ETF1: variants seen among roughly 807,000 people sequenced by gnomAD.
The protein encoded by ETF1 is eukaryotic translation termination factor 1.
ETF1 carries 4 observed loss-of-function variants against 55.1 expected under a neutral mutation model. The ratio of observed to expected loss-of-function variants is 0.07; its 90% CI spans 0.04 to 0.17. The LOEUF is 0.17. ETF1 is among the 10% of genes least tolerant of loss of function. The probability of loss-of-function intolerance (pLI) is 1.00; values close to 1 mark genes in which losing one functional copy is unlikely to be tolerated. For missense variants in ETF1, 142 were observed against 523.6 expected (o/e 0.27, Z 7.11); for synonymous variants, 157 against 182.3 (o/e 0.86, Z 1.12).
At chr5:138,525,574 G>C (rs1561839066) in intron 2 of ETF1, among the ~76,000 whole-genome samples, 1 of 152,170 alleles carries the variant, frequency 6.6e-6, no homozygotes, top group African/African-American at 2.4e-5. Flanking sequence ...TAGTACAATA[G>C]CTACCAGTAT....
chr5:138,520,278 G>A (rs1309100105), intron 2 of ETF1, among the ~76,000 whole-genome samples: 1 of 151,102 alleles, frequency 6.6e-6, no homozygotes, highest in Non-Finnish European at 1.5e-5. Context: ...TGATCTCACA[G>A]AAGTAGAATG....
intron 9 of ETF1, 150 bp from the exon 10 acceptor site, chr5:138,508,966 T>C: frequency 7.0e-7 from 1 of 1,426,614 alleles, no homozygotes; most frequent in South Asian, 1.5e-5. Context: ...ATCTCTGGTT[T>C]TGATAACCTA....
chr5:138,534,881 A>G (rs1029128155), intron 2 of ETF1, among the ~76,000 whole-genome samples: 10 of 151,806 alleles, frequency 6.6e-5, no homozygotes, highest in South Asian at 2.1e-4. Flanking sequence ...TGAAATGGCA[A>G]TAATAGCTTT....
intron 2 of ETF1, among the ~76,000 whole-genome samples, chr5:138,523,298 C>G (rs574135161): frequency 6.6e-6 from 1 of 151,040 alleles, no homozygotes; most frequent in East Asian, 2.0e-4. Context: ...ACCCGGGAGG[C>G]GGAGGTTGCA....
rs1307920796 is a variant in ETF1, at chr5:138,507,304, G to A, written c.*1001C>T. On this transcript the variant is annotated 3_prime_UTR_variant, in exon 11 of 11. Transcript: ENST00000360541. Reference sequence around the variant, plus strand: ...AGTCATACATGTCTGTCGTTCCTGTGAAAAACCTTGCAGTTCATTTTAATA... The same window carrying A: ...AGTCATACATGTCTGTCGTTCCTGTAAAAAACCTTGCAGTTCATTTTAATA... The A allele has an allele frequency of 2.0e-5, 3 of 152,496 alleles. No individual in the cohort carries two copies. The highest frequency in any genetic ancestry group is 7.3e-5 in the African/African-American group (3 of 41,378). 9.4% of individuals were successfully genotyped at this position (152,496 alleles called of 1,614,324 possible).
chr5:138,513,520 T>C (rs1243023430), intron 5 of ETF1, 48 bp downstream of exon 5: 9 of 1,495,434 alleles, frequency 6.0e-6, no homozygotes, highest in East Asian at 4.6e-5. Context: ...ACTGTTTTCT[T>C]ATTGCTAGAC....
chr5:138,534,273 T>C (rs1019463813), intron 2 of ETF1, among the ~76,000 whole-genome samples: 2 of 152,212 alleles, frequency 1.3e-5, no homozygotes, highest in South Asian at 2.1e-4. Flanking sequence ...GTAGAGTGTG[T>C]ACACTTTTTC....
At chr5:138,510,778 C>A in intron 8 of ETF1, 149 bp from the exon 9 acceptor site, 1 of 1,169,082 alleles carries the variant, frequency 8.6e-7, no homozygotes, top group Non-Finnish European at 1.2e-6. Context: ...CACTGAGTGT[C>A]TACTAGGTAC....
chr5:138,511,299 T>C, intron 7 of ETF1, 99 bp from the exon 8 acceptor site: 1 of 1,539,276 alleles, frequency 6.5e-7, no homozygotes, highest in Non-Finnish European at 8.7e-7. Context: ...TAAAAAATAA[T>C]GCTTTTACTG....
At chr5:138,517,205 C>T (rs900156659) in intron 4 of ETF1, among the ~76,000 whole-genome samples, 1 of 151,766 alleles carries the variant, frequency 6.6e-6, no homozygotes, top group Non-Finnish European at 1.5e-5. Flanking sequence ...ACCATCTCTA[C>T]TAAAAATACA....
rs1272996903 is a variant in ETF1, at chr5:138,506,792, G to A, written c.*1513C>T. 6.6e-6 allele frequency: 1 copy of A among 152,660 alleles called. No homozygotes were observed. The highest frequency in any genetic ancestry group is 1.5e-5 in the Non-Finnish European group (1 of 68,054). The allele number at this position is 152,660 out of a possible 1,614,324, so 9.5% of individuals were successfully genotyped here. On this transcript the variant is annotated 3_prime_UTR_variant, in exon 11 of 11. Transcript: ENST00000360541. ...CAGGTCTGTAACCTGGGAACAAGGAGCTGGTTCAGACCAATAAAGCTACGA... is the reference window on the plus strand; with the variant it reads ...CAGGTCTGTAACCTGGGAACAAGGAACTGGTTCAGACCAATAAAGCTACGA...
rs192386646 is a variant in ETF1 at position 138,541,526 on chromosome 5, T to G, written c.86+1307A>C. The stretch of plus-strand genomic sequence containing the variant: ...AACACTAGTAAAACCAACCTGTGAA[T>G]TGGGCCTTCAGTACAATTAAGCACA... On this transcript the variant is annotated intron_variant, in intron 2 of 10. Coordinates refer to ENST00000360541, the MANE Select transcript of ETF1 (RefSeq NM_004730.4). The G allele has an allele frequency of 6.5e-6, 10 of 1,533,174 alleles. No individual in the cohort carries two copies. The African/African-American group carries it at 8.2e-5, about 13-fold the overall frequency. The allele number at this position is 1,533,174 out of a possible 1,614,324, so 95.0% of individuals were successfully genotyped here.
chr5:138,534,965 CTTTTTT>C (rs70982719), intron 2 of ETF1, among the ~76,000 whole-genome samples: 1 of 126,354 alleles, frequency 7.9e-6, no homozygotes. Flanking sequence ...AAACTAGTTT[CTTTTTT>C]TTTTTTTTTT....
intron 8 of ETF1, 178 bp from the exon 9 acceptor site, chr5:138,510,807 A>G: frequency 1.5e-6 from 1 of 677,770 alleles, no homozygotes; most frequent in Non-Finnish European, 1.8e-6. Context: ...AACCATAAGG[A>G]ACATCAGAGA....
chr5:138,512,254 ATATATTTTTT>A (rs1233000056), intron 6 of ETF1, among the ~76,000 whole-genome samples: 2 of 17,912 alleles, frequency 1.1e-4, no homozygotes, highest in African/African-American at 4.8e-4. Flanking sequence ...ATATATATAT[ATATATTTTTT>A]TTTTTTTTTA....
At chr5:138,525,260 C>A (rs917586195) in intron 2 of ETF1, among the ~76,000 whole-genome samples, 1 of 151,862 alleles carries the variant, frequency 6.6e-6, no homozygotes. Flanking sequence ...TGGGTTCAAG[C>A]GATTCTCCTG....
At chr5:138,541,749 T>C in intron 2 of ETF1, 1 of 299,638 alleles carries the variant, frequency 3.3e-6, no homozygotes, top group Non-Finnish European at 4.8e-6. Flanking sequence ...GTAATAATGT[T>C]CCAAACACTT....
At chr5:138,512,725 C>G (rs773114199) in intron 6 of ETF1, 39 bp downstream of exon 6, 6 of 1,536,362 alleles carry the variant, frequency 3.9e-6, no homozygotes, top group Non-Finnish European at 5.2e-6. Flanking sequence ...CTACTCCTAC[C>G]TAGGGTCTTA....
At chr5:138,512,237 T>A (rs1449567579) in intron 6 of ETF1, among the ~76,000 whole-genome samples, 94 of 5,680 alleles carry the variant, frequency 0.017, no homozygotes, top group East Asian at 0.074. Context: ...TATATATATA[T>A]ATATATATAT....
Sources: gnomAD v4.1 joint callset for allele counts (sites outside exome capture counted in the v4.1 genomes callset) on GRCh38, gnomAD v4.1.1 for gene constraint, MANE v1.5 for transcripts, NCBI Gene and HGNC (gene_info 2026-07-23, HGNC 2026-07-21) for gene names.